Variants in HEY2 observed in about 807,000 individuals in gnomAD.
HEY2 encodes hairy/enhancer-of-split related with YRPW motif protein 2.
In HEY2, 10 loss-of-function variants were observed where a neutral mutation model predicts 18.1. That is an observed-to-expected ratio of 0.55 (90% CI 0.34 to 0.94). The LOEUF (loss-of-function observed/expected upper bound fraction) is 0.94. HEY2 is among the 40% of genes least tolerant of loss of function. The probability of loss-of-function intolerance (pLI) is 0.02; values close to 1 mark genes in which losing one functional copy is unlikely to be tolerated. For synonymous variants in HEY2, 210 were observed against 182.7 expected, an observed-to-expected ratio of 1.15 and a Z score of -1.21; for missense variants, 455 against 455.9, an observed-to-expected ratio of 1.00 and a Z score of 0.02.
intron 4 of HEY2, among the ~76,000 whole-genome samples, chr6:125,756,530 G>C (rs2128529261): frequency 6.6e-6 from 1 of 152,002 alleles, no homozygotes; most frequent in Admixed American, 6.5e-5. Context: ...TCGCGCCATT[G>C]CACTCCAGCC....
intron 1 of HEY2, chr6:125,750,431 C>T (rs1583186993): frequency 5.1e-6 from 5 of 980,914 alleles, no homozygotes; most frequent in Non-Finnish European, 6.1e-6. Flanking sequence ...GTTCTCAAGT[C>T]TGGAAGAGAT....
At position 125,759,886 on chromosome 6, in the gene HEY2, A is replaced by G. The variant is rs1261577214; in HGVS notation, c.*84A>G. ...AAACCTCTGCACCCTGAAGGTAGCC[A>G]TACAGATGCCGACAGATCCACAAAG... On this transcript the variant is annotated 3_prime_UTR_variant, in exon 5 of 5. Transcript: ENST00000368364. 15 of 1,099,516 alleles carry G rather than the reference A, an allele frequency of 1.4e-5. No homozygotes were observed. The highest frequency in any genetic ancestry group is 2.0e-5 in the Non-Finnish European group (15 of 755,984). The allele number at this position is 1,099,516 out of a possible 1,614,324, so 68.1% of individuals were successfully genotyped here. A position where few individuals can be genotyped will look rare whatever the true frequency, so the allele number is the denominator to read the frequency against.
Position 125,751,839 on chromosome 6 carries a change from C to T in HEY2, c.122C>T (p.Thr41Ile). 6.2e-7 allele frequency: 1 copy of T among 1,613,604 alleles called. No individual in the cohort carries two copies. Among genetic ancestry groups the T allele is most frequent in the Non-Finnish European group, 8.5e-7 (1 of 1,179,592 alleles). The change falls in exon 2 of 5, where the codon ACA becomes ATA. Residue 41 changes from threonine to isoleucine, a missense_variant. Physicochemically the swap from Thr to Ile is moderately conservative, Grantham distance 89 (BLOSUM62 -1). Transcript: ENST00000368364. ...TCTGTGATTAGATTGAATTCTCCAA[C>T]AACAACATCTCAGATTATGGCAAGA... is the stretch of plus-strand genomic sequence containing the variant. ...TSSVIRLNSP[T>I]TTSQIMARKK...
In HEY2 at chr6:125,751,773, C is replaced by T. The variant is rs1241977600; in HGVS notation, c.84-28C>T. On this transcript the variant is annotated intron_variant, in intron 1 of 4. Transcript: ENST00000368364. The stretch of plus-strand genomic sequence containing the variant: ...AGAAACTATTGTTATGTTAATGCAG[C>T]ACCTGACATACTCTTCTTATTTCAT... 2.7e-6 allele frequency: 4 copies of T among 1,461,474 alleles called. No individual in the cohort carries two copies. In the South Asian group the frequency reaches 3.5e-5, roughly 13 times the overall value. 90.5% of individuals were successfully genotyped at this position (1,461,474 alleles called of 1,614,324 possible).
At position 125,749,793 on chromosome 6, in the gene HEY2, A is replaced by G. The variant is rs758689226; in HGVS notation, c.17A>G (p.Glu6Gly). 1 of 1,581,080 alleles carries G rather than the reference A, an allele frequency of 6.3e-7. No individual in the cohort carries two copies. The part of the protein sequence containing the change: MKRPC[E>G]ETTSESDMDE... Reference sequence around the variant, plus strand: ...TTCGCCGGGATGAAGCGCCCCTGCGAGGAGACGACCTCCGAGAGCGACATG... The same window carrying G: ...TTCGCCGGGATGAAGCGCCCCTGCGGGGAGACGACCTCCGAGAGCGACATG... The change falls in exon 1 of 5, where the codon GAG becomes GGG. Residue 6 changes from glutamate (E) to glycine (G), a missense_variant. Coordinates refer to ENST00000368364, the MANE Select transcript of HEY2 (RefSeq NM_012259.3).
intron 4 of HEY2, among the ~76,000 whole-genome samples, chr6:125,757,100 G>A (rs1025904807): frequency 1.3e-5 from 2 of 152,198 alleles, no homozygotes; most frequent in African/African-American, 4.8e-5. Context: ...CTCCAATTCT[G>A]TTAGTTCATT....
intron 3 of HEY2, 31 bp downstream of exon 3, chr6:125,752,121 C>T: frequency 1.8e-5 from 24 of 1,316,436 alleles, no homozygotes; most frequent in Non-Finnish European, 2.5e-5. Flanking sequence ...AATCCCCCCA[C>T]CCACCCCGCC....
intron 1 of HEY2, chr6:125,750,341 T>C (rs1773518677): frequency 1.0e-6 from 1 of 985,300 alleles, no homozygotes; most frequent in Non-Finnish European, 1.2e-6. Context: ...ACTTTGCAGG[T>C]TGACCGTGTG....
rs1773549662 is a variant in HEY2 at position 125,751,858 on chromosome 6, G to A, written c.141G>A (p.Met47Ile). Residue 47 changes from methionine (M) to isoleucine (I), a missense_variant, in exon 2 of 5, where the codon ATG becomes ATA. By Grantham distance (10) the Met-to-Ile change is conservative (BLOSUM62 1). Transcript: ENST00000368364. Reference sequence around the variant, plus strand: ...CTCCAACAACAACATCTCAGATTATGGCAAGAAAGAAAAGGAGAGGGGTAT... The same window carrying A: ...CTCCAACAACAACATCTCAGATTATAGCAAGAAAGAAAAGGAGAGGGGTAT... ...LNSPTTTSQI[M>I]ARKKRRGIIE... is the part of the protein sequence containing the mutation. The A allele has an allele frequency of 6.2e-7, 1 of 1,613,378 alleles. No individual in the cohort carries two copies. Among genetic ancestry groups the A allele is most frequent in the Non-Finnish European group, 8.5e-7 (1 of 1,179,434 alleles).
chr6:125,751,925 G>A, intron 2 of HEY2, 46 bp downstream of exon 2: 1 of 1,569,018 alleles, frequency 6.4e-7, no homozygotes, highest in Non-Finnish European at 8.8e-7. Context: ...TTATACTATT[G>A]TGTAACAGTT....
Position 125,759,270 on chromosome 6 carries a change from C to T in HEY2, c.482C>T (p.Ala161Val). The T allele has an allele frequency of 6.2e-7, 1 of 1,607,900 alleles. No individual in the cohort carries two copies. Among genetic ancestry groups the T allele is most frequent in the Non-Finnish European group, 8.5e-7 (1 of 1,180,000 alleles). ...VRLVSHLSTCATQREAAAMTS... is the reference protein window; with the variant it reads ...VRLVSHLSTCVTQREAAAMTS... ...CTTGTGTCTCATCTCAGCACTTGCG[C>T]CACCCAGCGGGAGGCGGCGGCCATG... The change falls in exon 5 of 5, where the codon GCC becomes GTC. Residue 161 changes from alanine (A) to valine (V), a missense_variant. Transcript: ENST00000368364.
chr6:125,758,698 C>T (rs748593554), intron 4 of HEY2, among the ~76,000 whole-genome samples: 13 of 152,148 alleles, frequency 8.5e-5, no homozygotes, highest in Non-Finnish European at 1.2e-4. Flanking sequence ...ATCTCCAACT[C>T]ATGTGACAGA....
Position 125,759,309 on chromosome 6 carries a change from C to CCCACCACCATCATCCGCT in HEY2, c.527_544dup (p.His176_His181dup). On this transcript the variant is annotated inframe_insertion, in exon 5 of 5. Coordinates refer to ENST00000368364, the MANE Select transcript of HEY2 (RefSeq NM_012259.3). ...GCGGCGGCCATGACATCCTCCATGG[C>CCCACCACCATCATCCGCT]CCACCACCATCATCCGCTCCACCCG... is the stretch of plus-strand genomic sequence containing the variant. The CCCACCACCATCATCCGCT allele has an allele frequency of 6.2e-7, 1 of 1,605,596 alleles. No homozygotes were observed. The highest frequency in any genetic ancestry group is 8.5e-7 in the Non-Finnish European group (1 of 1,179,514).
rs1773794936 is a variant in HEY2 at position 125,761,130 on chromosome 6, A to G, written c.*1328A>G. ...GGAGAAAGCAATAAACATTATGAGA[A>G]TGTTAAACGTTATGCAAAATTATAC... On this transcript the variant is annotated 3_prime_UTR_variant, in exon 5 of 5. Coordinates refer to ENST00000368364, the MANE Select transcript of HEY2 (RefSeq NM_012259.3). 1 of 152,676 alleles carries G rather than the reference A, an allele frequency of 6.5e-6. No individual in the cohort carries two copies. Among genetic ancestry groups the G allele is most frequent in the Admixed American group, 6.5e-5 (1 of 15,288 alleles). 9.5% of individuals were successfully genotyped at this position (152,676 alleles called of 1,614,324 possible).
rs763300749 is a variant in HEY2 at position 125,759,489 on chromosome 6, C to T, written c.701C>T (p.Ala234Val). Residue 234 changes from alanine (A) to valine (V), a missense_variant, in exon 5 of 5, where the codon GCG becomes GTG. Transcript: ENST00000368364. ...SALLTATFAH[A>V]DSALRMPSTG... is the part of the protein sequence containing the mutation. ...CTCCTCACGGCCACGTTTGCCCATG[C>T]GGATTCAGCCCTCCGAATGCCATCC... is the stretch of plus-strand genomic sequence containing the variant. 3 of 1,611,288 alleles carry T rather than the reference C, an allele frequency of 1.9e-6. No homozygotes were observed. Among genetic ancestry groups the T allele is most frequent in the Non-Finnish European group, 1.7e-6 (2 of 1,179,990 alleles).
chr6:125,759,432 C>G lies in HEY2; in HGVS notation c.644C>G (p.Thr215Ser). 2 of 1,611,896 alleles carry G rather than the reference C, an allele frequency of 1.2e-6. No homozygotes were observed. Among genetic ancestry groups the G allele is most frequent in the Non-Finnish European group, 1.7e-6 (2 of 1,179,936 alleles). Residue 215 changes from threonine (T) to serine (S), a missense_variant, in exon 5 of 5, where the codon ACT becomes AGT. Thr to Ser is a moderately conservative substitution (Grantham distance 58, BLOSUM62 1). Coordinates refer to ENST00000368364, the MANE Select transcript of HEY2 (RefSeq NM_012259.3). ...SESTPCRLST[T>S]SEVPPAHGSA... ...TCAACCCCTTGTCGCCTCTCCACAA[C>G]TTCAGAAGTGCCTCCTGCCCACGGC...
chr6:125,754,577 T>A, intron 4 of HEY2, 31 bp downstream of exon 4: 1 of 1,128,942 alleles, frequency 8.9e-7, no homozygotes, highest in Middle Eastern at 2.1e-4. Context: ...TTTTTTTTTT[T>A]TGCCTTTTTT....
chr6:125,749,798 A>T lies in HEY2; in HGVS notation c.22A>T (p.Thr8Ser). The change falls in exon 1 of 5, where the codon ACG (threonine) becomes TCG (serine). Residue 8 changes from threonine (T) to serine (S), a missense_variant. By Grantham distance (58) the Thr-to-Ser change is moderately conservative. Transcript: ENST00000368364. Reference sequence around the variant, plus strand: ...CGGGATGAAGCGCCCCTGCGAGGAGACGACCTCCGAGAGCGACATGGACGA... The same window carrying T: ...CGGGATGAAGCGCCCCTGCGAGGAGTCGACCTCCGAGAGCGACATGGACGA... MKRPCEE[T>S]TSESDMDETI... The T allele has an allele frequency of 6.3e-7, 1 of 1,576,242 alleles. No individual in the cohort carries two copies.
chr6:125,753,331 C>T (rs979136730), intron 3 of HEY2, among the ~76,000 whole-genome samples: 1 of 151,352 alleles, frequency 6.6e-6, no homozygotes, highest in Admixed American at 6.6e-5. Context: ...TAAATGTTGA[C>T]TTAAACCTTA....
Sources: gnomAD v4.1 joint callset for allele counts (sites outside exome capture counted in the v4.1 genomes callset) on GRCh38, gnomAD v4.1.1 for gene constraint, MANE v1.5 for transcripts, NCBI Gene and HGNC (gene_info 2026-07-23, HGNC 2026-07-21) for gene names.